Variants in ZNF407 observed in about 807,000 individuals in gnomAD.
ZNF407 encodes the protein zinc finger protein 407.
A neutral mutation model predicts 131.2 loss-of-function variants in ZNF407; 17 were observed. The observed-to-expected ratio is 0.13, with a 90% CI of 0.09 to 0.19. ZNF407 has a LOEUF of 0.19. ZNF407 is among the 10% of genes least tolerant of loss of function. ZNF407 has a pLI of 1.00. For synonymous variants in ZNF407, 1,156 were observed against 1,062.0 expected, an observed-to-expected ratio of 1.09 and a Z score of -1.72; for missense variants, 2,681 against 2,830.6, an observed-to-expected ratio of 0.95 and a Z score of 1.20.
intron 4 of ZNF407, chr18:74,804,393 G>A (rs1970076559): frequency 2.0e-6 from 2 of 1,018,252 alleles, no homozygotes; most frequent in Non-Finnish European, 2.4e-6. Context: ...ACAAATGCCT[G>A]GCATATTCAG....
At chr18:74,695,875 A>G (rs1214551321) in intron 3 of ZNF407, among the ~76,000 whole-genome samples, 1 of 151,130 alleles carries the variant, frequency 6.6e-6, no homozygotes, top group Non-Finnish European at 1.5e-5. Context: ...ATTTAAAAGA[A>G]GAGATCTACA....
At chr18:74,716,932 C>T (rs998122072) in intron 3 of ZNF407, among the ~76,000 whole-genome samples, 67 of 152,046 alleles carry the variant, frequency 4.4e-4, no homozygotes, top group African/African-American at 1.5e-3. Flanking sequence ...CGTTCCAACT[C>T]GAACATTCAT....
intron 3 of ZNF407, among the ~76,000 whole-genome samples, chr18:74,734,165 A>G (rs1386093964): frequency 6.6e-6 from 1 of 152,150 alleles, no homozygotes; most frequent in Non-Finnish European, 1.5e-5. Context: ...TTCCAGCAGT[A>G]TGCAGAAGGA....
At chr18:75,004,970 G>A (rs929615416) in intron 8 of ZNF407, among the ~76,000 whole-genome samples, 10 of 152,186 alleles carry the variant, frequency 6.6e-5, no homozygotes, top group African/African-American at 2.4e-4. Context: ...ATTATTGATA[G>A]CAGCAGAGAT....
At chr18:74,984,029 A>G (rs1972624122) in intron 8 of ZNF407, among the ~76,000 whole-genome samples, 1 of 152,254 alleles carries the variant, frequency 6.6e-6, no homozygotes, top group Non-Finnish European at 1.5e-5. Context: ...AATTTCTGTC[A>G]TATTACTTGA....
chr18:74,868,944 A>C (rs559321657), intron 4 of ZNF407, among the ~76,000 whole-genome samples: 2 of 152,344 alleles, frequency 1.3e-5, no homozygotes, highest in South Asian at 4.1e-4. Flanking sequence ...TCTACATAGC[A>C]TGGATCATTG....
intron 3 of ZNF407, among the ~76,000 whole-genome samples, chr18:74,676,291 T>C (rs969419205): frequency 1.3e-5 from 2 of 151,984 alleles, no homozygotes; most frequent in Non-Finnish European, 2.9e-5. Context: ...AGGGTTTCAC[T>C]GTGTTGCCCA....
In ZNF407 at chr18:74,755,895, T is replaced by TCC. The variant is rs1257543877; in HGVS notation, c.4803-25533_4803-25532insCC. Among the ~76,000 whole-genome samples, 218 of 71,790 alleles carry TCC rather than the reference T, an allele frequency of 3.0e-3. 3 individuals are homozygous for TCC. Among genetic ancestry groups the TCC allele is most frequent in the African/African-American group, 0.012 (213 of 17,042 alleles). The allele number at this position is 71,790 out of a possible 152,430, so 47.1% of individuals were successfully genotyped here. On this transcript the variant is annotated intron_variant, in intron 3 of 8. Coordinates refer to ENST00000299687, the MANE Select transcript of ZNF407 (RefSeq NM_017757.3). The stretch of plus-strand genomic sequence containing the variant: ...TTCCTCTTTTCCTTCCTTTTTTTTT[T>TCC]TTTTTTTTTTTTTTTTGAGACTGAG...
At chr18:74,786,901 G>A (rs1439655922) in intron 4 of ZNF407, among the ~76,000 whole-genome samples, 1 of 137,046 alleles carries the variant, frequency 7.3e-6, no homozygotes, top group African/African-American at 2.7e-5. Context: ...CGCCTCCCGG[G>A]TTCAAGCAAT....
intron 3 of ZNF407, among the ~76,000 whole-genome samples, chr18:74,763,873 C>G (rs1373493584): frequency 1.3e-5 from 2 of 151,080 alleles, no homozygotes; most frequent in Non-Finnish European, 3.0e-5. Context: ...CCACGCCCGG[C>G]TAATTTTTTT....
chr18:74,819,594 CG>C (rs966197945), intron 4 of ZNF407, among the ~76,000 whole-genome samples: 12 of 152,248 alleles, frequency 7.9e-5, no homozygotes, highest in African/African-American at 2.9e-4. Flanking sequence ...CCAGGGAGCT[CG>C]GGGCATGGCA....
intron 3 of ZNF407, among the ~76,000 whole-genome samples, chr18:74,752,190 C>T (rs1040511387): frequency 6.6e-6 from 1 of 152,078 alleles, no homozygotes; most frequent in Non-Finnish European, 1.5e-5. Context: ...CGTTTCTCTT[C>T]ATATCCTTTG....
intron 3 of ZNF407, among the ~76,000 whole-genome samples, chr18:74,777,402 A>T (rs1252023033): frequency 1.3e-5 from 2 of 152,108 alleles, no homozygotes; most frequent in African/African-American, 2.4e-5. Context: ...TTGCAAATGG[A>T]TGACTTGAGC....
intron 4 of ZNF407, among the ~76,000 whole-genome samples, chr18:74,871,191 T>C (rs1971082294): frequency 6.6e-6 from 1 of 152,188 alleles, no homozygotes; most frequent in African/African-American, 2.4e-5. Context: ...TTCTGTGTGC[T>C]GCATTCTTCA....
intron 4 of ZNF407, among the ~76,000 whole-genome samples, chr18:74,860,563 ATATT>A (rs1446033803): frequency 6.6e-6 from 1 of 151,524 alleles, no homozygotes; most frequent in East Asian, 1.9e-4. Context: ...CAAGTTCATA[ATATT>A]TATACAGATA....
Position 74,635,238 on chromosome 18 carries a change from T to C in ZNF407, c.4219T>C (p.Ser1407Pro), listed in dbSNP as rs1005014455. ...GVKKKKSEGS[S>P]IGESTRIRCD... is the part of the protein sequence containing the mutation. The stretch of plus-strand genomic sequence containing the variant: ...GAAAAAGAAGAAATCTGAGGGCAGT[T>C]CCATTGGTGAGTCTACACGAATTCG... Residue 1407 changes from serine to proline, a missense_variant, in exon 2 of 9, where the codon TCC (serine) becomes CCC (proline). Ser to Pro is a moderately conservative substitution (Grantham distance 74, BLOSUM62 -1). Transcript: ENST00000299687. The surrounding 1 kb of genome is among the most constrained non-coding windows in gnomAD (Gnocchi z 4.7). 1 of 1,613,910 alleles carries C rather than the reference T, an allele frequency of 6.2e-7. No homozygotes were observed. Among genetic ancestry groups the C allele is most frequent in the East Asian group, 2.2e-5 (1 of 44,872 alleles).
At chr18:74,779,178 C>T (rs1397693680) in intron 3 of ZNF407, among the ~76,000 whole-genome samples, 2 of 133,108 alleles carry the variant, frequency 1.5e-5, no homozygotes, top group Admixed American at 8.6e-5. Context: ...TGCAGTGGCG[C>T]AATCTCGGCT....
At position 74,787,899 on chromosome 18, in the gene ZNF407, T is replaced by G. The variant is rs539363612; in HGVS notation, c.4877+6397T>G. On this transcript the variant is annotated intron_variant, in intron 4 of 8. Coordinates refer to ENST00000299687, the MANE Select transcript of ZNF407 (RefSeq NM_017757.3). ...ACATGTTTATTGTGAAGGTAGTATT[T>G]AGGATGCTGTTCATGGAAATACATC... Among the ~76,000 whole-genome samples the G allele has an allele frequency of 4.6e-5, 7 of 152,346 alleles. No individual in the cohort carries two copies. The East Asian group carries it at 1.4e-3, about 29-fold the overall frequency.
Position 74,632,297 on chromosome 18 carries a change from C to G in ZNF407, c.1278C>G (p.Ser426Arg). ...PERNILVLGN[S>R]FRRRSSTFTL... ...GAAATATTCTCGTGTTGGGTAATAGCTTTCGTCGACGAAGCAGCACTTTCA... is the reference window on the plus strand; with the variant it reads ...GAAATATTCTCGTGTTGGGTAATAGGTTTCGTCGACGAAGCAGCACTTTCA... Residue 426 changes from serine (S) to arginine (R), a missense_variant, in exon 2 of 9, where the codon AGC becomes AGG. Ser to Arg is a moderately radical substitution (Grantham distance 110). This residue lies in a region of ZNF407 where 1,789 missense variants were observed against 1,748.7 expected (regional missense o/e 1.02). Transcript: ENST00000299687. 5 of 1,613,962 alleles carry G rather than the reference C, an allele frequency of 3.1e-6. No individual in the cohort carries two copies. The highest frequency in any genetic ancestry group is 4.2e-6 in the Non-Finnish European group (5 of 1,179,896).
Sources: allele counts gnomAD v4.1 joint callset (sites outside exome capture counted in the v4.1 genomes callset), GRCh38; gene constraint gnomAD v4.1.1; regional missense constraint gnomAD v4.1.1; non-coding constraint Gnocchi (gnomAD v3.1); transcripts MANE v1.5; gene names NCBI Gene and HGNC (gene_info 2026-07-23, HGNC 2026-07-21).